Variants in ASH1L observed in about 807,000 individuals in gnomAD.
ASH1L encodes the protein histone-lysine N-methyltransferase ASH1L.
A neutral mutation model predicts 269.0 loss-of-function variants in ASH1L; 23 were observed. The observed-to-expected ratio is 0.09, with a 90% CI of 0.06 to 0.12. The LOEUF is 0.12. Among genes scored for constraint, ASH1L ranks in the 10% least tolerant of loss-of-function variants. The pLI, the probability that ASH1L is intolerant of heterozygous loss-of-function variation, is 1.00. For synonymous variants in ASH1L, 1,187 were observed against 1,253.5 expected, an observed-to-expected ratio of 0.95 and a Z score of 1.12; for missense variants, 2,912 against 3,567.8, an observed-to-expected ratio of 0.82 and a Z score of 4.68.
chr1:155,555,585 A>G (rs918011562), intron 1 of ASH1L, among the ~76,000 whole-genome samples: 1 of 151,928 alleles, frequency 6.6e-6, no homozygotes, highest in African/African-American at 2.4e-5. Context: ...TGTCGCTATG[A>G]CTAAAAAACT....
At chr1:155,561,996 G>A in intron 1 of ASH1L, 157 bp downstream of exon 1, 2 of 595,006 alleles carry the variant, frequency 3.4e-6, no homozygotes, top group South Asian at 2.1e-5. Flanking sequence ...TTCCCGGTAG[G>A]CTCAGGATCC....
chr1:155,495,036 T>C (rs572186891), intron 2 of ASH1L, among the ~76,000 whole-genome samples: 3 of 152,198 alleles, frequency 2.0e-5, no homozygotes, highest in Non-Finnish European at 4.4e-5. Context: ...CAAGTAGAAA[T>C]GAGAACATAC....
At chr1:155,465,619 G>A (rs753628207) in intron 3 of ASH1L, among the ~76,000 whole-genome samples, 5 of 152,166 alleles carry the variant, frequency 3.3e-5, no homozygotes, top group Non-Finnish European at 7.4e-5. Context: ...TTCTAACACT[G>A]AAATTGTTCC....
intron 1 of ASH1L, among the ~76,000 whole-genome samples, chr1:155,542,757 G>GGTT (rs1316278682): frequency 6.8e-6 from 1 of 147,528 alleles, no homozygotes; most frequent in Non-Finnish European, 1.5e-5. Context: ...TTGGCTCACT[G>GGTT]CAACCTCCAC....
Position 155,439,016 on chromosome 1 carries a change from A to G in ASH1L, c.5139T>C (p.Ser1713=), listed in dbSNP as rs773205166. ...CCATCCGCTGCAGCAGACTATCCACAGAGTCATCCCCAGAAGCAACTAATC... is the reference window on the plus strand; with the variant it reads ...CCATCCGCTGCAGCAGACTATCCACGGAGTCATCCCCAGAAGCAACTAATC... ...SPRLVASGDD[S]VDSLLQRMVQ... is the part of the protein sequence containing the mutation. Residue 1713 remains serine (S), a synonymous_variant, in exon 5 of 28, where the codon TCT becomes TCC. Coordinates refer to ENST00000392403, the MANE Select transcript of ASH1L (RefSeq NM_018489.3). 1.2e-6 allele frequency: 2 copies of G among 1,613,992 alleles called. No individual in the cohort carries two copies. The highest frequency in any genetic ancestry group is 2.2e-5 in the South Asian group (2 of 91,048).
chr1:155,506,669 TGG>T (rs1233754750), intron 2 of ASH1L, among the ~76,000 whole-genome samples: 1 of 152,120 alleles, frequency 6.6e-6, no homozygotes, highest in East Asian at 1.9e-4. Context: ...CTGAACTGCC[TGG>T]GCAATGGACC....
At chr1:155,362,877 A>G (rs1655087389) in intron 12 of ASH1L, among the ~76,000 whole-genome samples, 1 of 152,226 alleles carries the variant, frequency 6.6e-6, no homozygotes, top group African/African-American at 2.4e-5. Context: ...TGTGGAACAC[A>G]TTAAGGGTTA....
At chr1:155,347,512 C>T in intron 20 of ASH1L, 144 bp downstream of exon 20, 2 of 1,022,668 alleles carry the variant, frequency 2.0e-6, no homozygotes, top group Non-Finnish European at 2.9e-6. Flanking sequence ...ATATAGTAAA[C>T]ACAGAAACCT....
chr1:155,519,607 A>C (rs918213534), intron 2 of ASH1L, among the ~76,000 whole-genome samples: 1 of 152,198 alleles, frequency 6.6e-6, no homozygotes, highest in Non-Finnish European at 1.5e-5. Flanking sequence ...GTATGATTAC[A>C]CCTATATGAG....
chr1:155,359,842 G>T (rs1191767707), intron 13 of ASH1L, among the ~76,000 whole-genome samples: 1 of 151,684 alleles, frequency 6.6e-6, no homozygotes, highest in African/African-American at 2.4e-5. Context: ...GCCTCACAAA[G>T]TGCTGGGATT....
intron 6 of ASH1L, among the ~76,000 whole-genome samples, chr1:155,406,076 T>C (rs886916080): frequency 2.0e-5 from 3 of 151,470 alleles, no homozygotes; most frequent in Non-Finnish European, 4.4e-5. Flanking sequence ...TGGTAGCACA[T>C]GCCTGTAATC....
At position 155,344,464 on chromosome 1, in the gene ASH1L, C is replaced by T. The variant is rs1011238480; in HGVS notation, c.7891-191G>A. On this transcript the variant is annotated intron_variant, in intron 21 of 27. Transcript: ENST00000392403. The stretch of plus-strand genomic sequence containing the variant: ...GAAGGTAGAGGACAAAACTGATAGG[C>T]TAAGTATCTCAATCTATGTTTTATG... 2.0e-5 allele frequency: 10 copies of T among 503,420 alleles called. No individual in the cohort carries two copies. The Middle Eastern group carries it at 1.6e-3, about 81-fold the overall frequency. 31.2% of individuals were successfully genotyped at this position (503,420 alleles called of 1,614,324 possible). A position where few individuals can be genotyped will look rare whatever the true frequency, so the allele number is the denominator to read the frequency against.
intron 10 of ASH1L, among the ~76,000 whole-genome samples, chr1:155,374,344 G>T (rs1216426580): frequency 1.3e-5 from 2 of 151,858 alleles, no homozygotes; most frequent in Non-Finnish European, 2.9e-5. Context: ...AAAAAAAAGT[G>T]AAAAGTTTTG....
intron 27 of ASH1L, 86 bp downstream of exon 27, chr1:155,338,003 T>A: frequency 7.3e-7 from 1 of 1,364,792 alleles, no homozygotes; most frequent in East Asian, 2.4e-5. Context: ...ATACTTTGGA[T>A]GCTGAACCAG....
rs1180551089 is a variant in ASH1L, at chr1:155,478,550, A to G, written c.4320T>C (p.His1440=). The G allele has an allele frequency of 2.5e-6, 4 of 1,613,950 alleles. No homozygotes were observed. Among genetic ancestry groups the G allele is most frequent in the Non-Finnish European group, 3.4e-6 (4 of 1,180,014 alleles). ...GHLLLNPAKY[H]KKKHKLLRQE... ...GTCGAAGTAGCTTATGCTTTTTCTT[A>G]TGGTATTTGGCAGGATTGAGAAGTA... The change falls in exon 3 of 28, where the codon CAT becomes CAC. Residue 1440 remains histidine, a synonymous_variant. Coordinates refer to ENST00000392403, the MANE Select transcript of ASH1L (RefSeq NM_018489.3). This position sits in a 1 kb window ranked among gnomAD's most constrained non-coding sequence, Gnocchi z 4.6.
At chr1:155,517,824 G>A (rs1468609783) in intron 2 of ASH1L, among the ~76,000 whole-genome samples, 19 of 103,220 alleles carry the variant, frequency 1.8e-4, no homozygotes, top group East Asian at 3.8e-4. Context: ...TTTTTGAGAC[G>A]GAGTCTCGCT....
At chr1:155,348,734 A>G (rs1653587969) in intron 19 of ASH1L, among the ~76,000 whole-genome samples, 2 of 152,056 alleles carry the variant, frequency 1.3e-5, no homozygotes, top group African/African-American at 4.8e-5. Flanking sequence ...ATACAAAATT[A>G]GCCAGGCATG....
At chr1:155,445,420 G>A (rs1165443706) in intron 4 of ASH1L, among the ~76,000 whole-genome samples, 1 of 151,918 alleles carries the variant, frequency 6.6e-6, no homozygotes, top group African/African-American at 2.4e-5. Flanking sequence ...CCTGACCTCA[G>A]GTGATCTGCC....
At chr1:155,490,911 T>C (rs1666729692) in intron 2 of ASH1L, among the ~76,000 whole-genome samples, 2 of 123,904 alleles carry the variant, frequency 1.6e-5, no homozygotes. Context: ...CAGTGAGCCA[T>C]GAGCCATGAT....
Sources: allele counts gnomAD v4.1 joint callset (sites outside exome capture counted in the v4.1 genomes callset), GRCh38; gene constraint gnomAD v4.1.1; non-coding constraint Gnocchi (gnomAD v3.1); transcripts MANE v1.5; gene names NCBI Gene and HGNC (gene_info 2026-07-23, HGNC 2026-07-21).